The following NCAM2 variants were observed in gnomAD, a reference collection of about 807,000 sequenced individuals.
NCAM2 encodes N-CAM-2.
A neutral mutation model predicts 98.1 loss-of-function variants in NCAM2; 30 were observed. The ratio of observed to expected loss-of-function variants is 0.31; its 90% CI spans 0.23 to 0.41. The LOEUF is 0.41. NCAM2 is among the 10% of genes least tolerant of loss of function. The probability of loss-of-function intolerance (pLI) is 1.00; values close to 1 mark genes in which losing one functional copy is unlikely to be tolerated. For missense variants in NCAM2, 867 were observed against 1,005.8 expected, an observed-to-expected ratio of 0.86 and a Z score of 1.87; for synonymous variants, 368 against 342.4, an observed-to-expected ratio of 1.07 and a Z score of -0.83.
At chr21:21,535,518 A>T (rs1989936310) in intron 17 of NCAM2, among the ~76,000 whole-genome samples, 1 of 152,102 alleles carries the variant, frequency 6.6e-6, no homozygotes, top group Non-Finnish European at 1.5e-5. Context: ...GAAGAAAATG[A>T]TTTTATTTTC....
At chr21:21,536,614 T>A (rs1989995988) in intron 17 of NCAM2, among the ~76,000 whole-genome samples, 1 of 152,240 alleles carries the variant, frequency 6.6e-6, no homozygotes, top group African/African-American at 2.4e-5. Context: ...GGTCTCCAAC[T>A]CCTGACCTCA....
rs993416944 is a variant in NCAM2, at chr21:21,306,077, T to A, written c.619+13836T>A. 2.0e-5 allele frequency among the ~76,000 whole-genome samples: 3 copies of A among 152,170 alleles called. 1 individual carries two copies. Among genetic ancestry groups the A allele is most frequent in the Admixed American group, 2.0e-4 (3 of 15,258 alleles). ...CAGAGATAGTTCTGTCATGAATTTC[T>A]AATTTGATTCTAATGAGGTCAGAGA... On this transcript the variant is annotated intron_variant, in intron 5 of 17. Coordinates refer to ENST00000400546, the MANE Select transcript of NCAM2 (RefSeq NM_004540.5).
chr21:21,402,831 G>A (rs947481488), intron 9 of NCAM2, among the ~76,000 whole-genome samples: 4 of 152,068 alleles, frequency 2.6e-5, no homozygotes, highest in African/African-American at 9.7e-5. Flanking sequence ...TTGGGGGTGG[G>A]TTCCCCTGAT....
At position 21,465,808 on chromosome 21, in the gene NCAM2, G is replaced by A. The variant is rs181577125; in HGVS notation, c.1655-798G>A. Among the ~76,000 whole-genome samples, 187 of 152,012 alleles carry A rather than the reference G, an allele frequency of 1.2e-3. 1 individual carries two copies. Among genetic ancestry groups the A allele is most frequent in the African/African-American group, 4.1e-3 (172 of 41,494 alleles). ...TGAGTTTCTGCTTTCTTTAGCAAAA[G>A]CATTTAAAGAAAGTGGCAACTATAA... On this transcript the variant is annotated intron_variant, in intron 12 of 17. Coordinates refer to ENST00000400546, the MANE Select transcript of NCAM2 (RefSeq NM_004540.5).
intron 12 of NCAM2, among the ~76,000 whole-genome samples, chr21:21,457,170 G>A (rs1286703643): frequency 6.7e-6 from 1 of 149,252 alleles, no homozygotes; most frequent in Non-Finnish European, 1.5e-5. Context: ...GGAAATTCTT[G>A]TGAGGGCCCA....
rs895734531 is a variant in NCAM2 at position 21,541,959 on chromosome 21, A to G, written c.*4002A>G. The G allele has an allele frequency of 6.6e-6, 1 of 151,744 alleles. No individual in the cohort carries two copies. Among genetic ancestry groups the G allele is most frequent in the Non-Finnish European group, 1.5e-5 (1 of 67,778 alleles). The allele number at this position is 151,744 out of a possible 1,614,324, so 9.4% of individuals were successfully genotyped here. On this transcript the variant is annotated 3_prime_UTR_variant, in exon 18 of 18. Transcript: ENST00000400546. Reference sequence around the variant, plus strand: ...AGAGAGAAAATATTTGCATCTGTTTATTTACCCTTTGAAGCATTAATACTT... The same window carrying G: ...AGAGAGAAAATATTTGCATCTGTTTGTTTACCCTTTGAAGCATTAATACTT...
intron 6 of NCAM2, among the ~76,000 whole-genome samples, chr21:21,335,113 G>A (rs1426873947): frequency 3.9e-5 from 6 of 152,098 alleles, no homozygotes; most frequent in African/African-American, 1.2e-4. Context: ...TGTGTCCCAA[G>A]AGGGGAGTAA....
rs528589413 is a variant in NCAM2, at chr21:21,504,036, T to C, written c.2078-4815T>C. Among the ~76,000 whole-genome samples, 214 of 151,934 alleles carry C rather than the reference T, an allele frequency of 1.4e-3. 4 individuals are homozygous for C. Among genetic ancestry groups the C allele is most frequent in the Non-Finnish European group, 2.1e-3 (145 of 67,866 alleles). On this transcript the variant is annotated intron_variant, in intron 15 of 17. Coordinates refer to ENST00000400546, the MANE Select transcript of NCAM2 (RefSeq NM_004540.5). Reference sequence around the variant, plus strand: ...TTGTACCTCCAAATAATATTAAAGGTATATGGATATTGACATTTTTCTATA... The same window carrying C: ...TTGTACCTCCAAATAATATTAAAGGCATATGGATATTGACATTTTTCTATA...
chr21:21,290,302 C>A (rs1310512831), intron 4 of NCAM2, among the ~76,000 whole-genome samples: 3 of 151,880 alleles, frequency 2.0e-5, no homozygotes, highest in Non-Finnish European at 4.4e-5. Flanking sequence ...TGTTCCTCTT[C>A]ATTTTAAATT....
chr21:21,413,377 G>A (rs1158803812), intron 10 of NCAM2, among the ~76,000 whole-genome samples: 1 of 152,120 alleles, frequency 6.6e-6, no homozygotes, highest in Admixed American at 6.6e-5. Flanking sequence ...AGACTAGCAA[G>A]CTTCTTGATT....
intron 1 of NCAM2, among the ~76,000 whole-genome samples, chr21:21,205,209 T>C (rs921577356): frequency 6.6e-6 from 1 of 152,214 alleles, no homozygotes; most frequent in East Asian, 1.9e-4. Context: ...ATACACAAAC[T>C]GAACATTTGT....
chr21:21,501,026 A>G (rs1602509618), intron 15 of NCAM2, among the ~76,000 whole-genome samples: 1 of 152,060 alleles, frequency 6.6e-6, no homozygotes, highest in Admixed American at 6.6e-5. Context: ...TATTTTGCTC[A>G]CCTAGTCTAG....
At chr21:21,127,921 T>C (rs1334675577) in intron 1 of NCAM2, among the ~76,000 whole-genome samples, 1 of 152,200 alleles carries the variant, frequency 6.6e-6, no homozygotes, top group East Asian at 1.9e-4. Flanking sequence ...CACACAATTA[T>C]ATTAACTAGA....
At chr21:21,402,167 T>C (rs2145876618) in intron 9 of NCAM2, among the ~76,000 whole-genome samples, 1 of 152,302 alleles carries the variant, frequency 6.6e-6, no homozygotes, top group South Asian at 2.1e-4. Flanking sequence ...TCTGACTGCC[T>C]GCAGGGTTGG....
chr21:21,505,017 A>T (rs1362209951), intron 15 of NCAM2, among the ~76,000 whole-genome samples: 1 of 151,948 alleles, frequency 6.6e-6, no homozygotes, highest in African/African-American at 2.4e-5. Flanking sequence ...TAAATACCTG[A>T]TCTTATTCTA....
At chr21:21,353,522 C>T (rs2075395490) in intron 8 of NCAM2, among the ~76,000 whole-genome samples, 1 of 152,170 alleles carries the variant, frequency 6.6e-6, no homozygotes, top group Non-Finnish European at 1.5e-5. Flanking sequence ...CAGGCGAGTG[C>T]ACATAAGGTC....
chr21:21,262,100 A>G, intron 1 of NCAM2, among the ~76,000 whole-genome samples: 1 of 152,138 alleles, frequency 6.6e-6, no homozygotes, highest in South Asian at 2.1e-4. Flanking sequence ...CAAACTAGGA[A>G]CCTTAGAGGA....
At chr21:21,200,890 C>T (rs2069194341) in intron 1 of NCAM2, among the ~76,000 whole-genome samples, 2 of 151,330 alleles carry the variant, frequency 1.3e-5, no homozygotes, top group African/African-American at 4.9e-5. Flanking sequence ...CTTTTCTAAC[C>T]CTAGACCACA....
At chr21:21,303,906 A>C (rs2073803811) in intron 5 of NCAM2, among the ~76,000 whole-genome samples, 2 of 152,150 alleles carry the variant, frequency 1.3e-5, no homozygotes, top group South Asian at 4.1e-4. Context: ...ACAACTCAGC[A>C]TTGATCATTT....
Sources: gnomAD v4.1 joint callset for allele counts (sites outside exome capture counted in the v4.1 genomes callset) on GRCh38, gnomAD v4.1.1 for gene constraint, MANE v1.5 for transcripts, NCBI Gene and HGNC (gene_info 2026-07-23, HGNC 2026-07-21) for gene names.